The following CDH4 variants were observed in gnomAD, a reference collection of about 807,000 sequenced individuals.
CDH4 encodes cadherin 4.
In CDH4, 33 loss-of-function variants were observed where a neutral mutation model predicts 86.0. The observed-to-expected ratio is 0.38, with a 90% CI of 0.29 to 0.51. CDH4 has a LOEUF of 0.51. CDH4 is among the 20% of genes least tolerant of loss of function. The probability of loss-of-function intolerance (pLI) is 0.86; values close to 1 mark genes in which losing one functional copy is unlikely to be tolerated. For missense variants in CDH4, 1,114 were observed against 1,307.4 expected (o/e 0.85, Z 2.28); for synonymous variants, 555 against 549.4 (o/e 1.01, Z -0.14).
In CDH4 at chr20:61,834,557, G is replaced by A. The variant is rs570023899; in HGVS notation, c.577-10111G>A. On this transcript the variant is annotated intron_variant, in intron 4 of 15. Transcript: ENST00000614565. ...GTGTGACAAGACCTTCCAGAGACAG[G>A]TGGGGACGCGTGCATTAAATATCAA... 2.4e-3 allele frequency among the ~76,000 whole-genome samples: 359 copies of A among 152,348 alleles called. 2 individuals are homozygous for A. The highest frequency in any genetic ancestry group is 0.01 in the Middle Eastern group (3 of 294).
chr20:61,854,719 G>T (rs904810215), intron 6 of CDH4, among the ~76,000 whole-genome samples: 4 of 143,878 alleles, frequency 2.8e-5, no homozygotes, highest in African/African-American at 1.1e-4. Context: ...TGTGAACAGG[G>T]TGAATTGTGC....
chr20:61,761,386 C>G (rs780845573), intron 3 of CDH4, among the ~76,000 whole-genome samples: 1 of 152,184 alleles, frequency 6.6e-6, no homozygotes, highest in Admixed American at 6.5e-5. Flanking sequence ...GAGCAATGTA[C>G]GTTCATAATG....
At chr20:61,774,948 C>T (rs796907495) in intron 4 of CDH4, among the ~76,000 whole-genome samples, 112 of 152,274 alleles carry the variant, frequency 7.4e-4, no homozygotes, top group African/African-American at 2.5e-3. Flanking sequence ...GGGTTGATTC[C>T]ATGTCTTTGC....
chr20:61,297,100 T>C (rs887137968), intron 2 of CDH4, among the ~76,000 whole-genome samples: 3 of 152,178 alleles, frequency 2.0e-5, no homozygotes, highest in African/African-American at 7.2e-5. Flanking sequence ...TTAAAAAGTG[T>C]GGAGGCAAGG....
At position 61,708,861 on chromosome 20, in the gene CDH4, C is replaced by T. The variant is rs997206339; in HGVS notation, c.170-34702C>T. Among the ~76,000 whole-genome samples, 1 of 152,220 alleles carries T rather than the reference C, an allele frequency of 6.6e-6. No individual in the cohort carries two copies. The highest frequency in any genetic ancestry group is 1.5e-5 in the Non-Finnish European group (1 of 68,040). ...ATTGGCAGACGTGCAGAACACCCCG[C>T]GTGCAATCTTTTCCTGGTAATTTAG... On this transcript the variant is annotated intron_variant, in intron 2 of 15. Transcript: ENST00000614565. The surrounding 1 kb of genome is among the most constrained non-coding windows in gnomAD (Gnocchi z 4.5).
intron 7 of CDH4, among the ~76,000 whole-genome samples, chr20:61,885,182 C>T (rs910619121): frequency 6.6e-6 from 1 of 152,196 alleles, no homozygotes; most frequent in Non-Finnish European, 1.5e-5. Flanking sequence ...CGCCACCAAA[C>T]ACACCCTTTA....
intron 4 of CDH4, among the ~76,000 whole-genome samples, chr20:61,802,731 A>C (rs2146033950): frequency 6.6e-6 from 1 of 152,260 alleles, no homozygotes; most frequent in South Asian, 2.1e-4. Flanking sequence ...GGGCAGGGGG[A>C]AACAGGTGCC....
intron 2 of CDH4, among the ~76,000 whole-genome samples, chr20:61,519,753 G>T (rs961816225): frequency 1.3e-5 from 2 of 152,240 alleles, no homozygotes; most frequent in Admixed American, 6.5e-5. Context: ...ACGCCAGTGT[G>T]TCTTCACAGG....
Position 61,937,205 on chromosome 20 carries a change from G to A in CDH4, c.*262G>A, listed in dbSNP as rs1282889367. On this transcript the variant is annotated 3_prime_UTR_variant, in exon 16 of 16. Transcript: ENST00000614565. ...GTCTTCACTTGAATTTCCTAGAACA[G>A]AAGCACTGTTTTTAAAAAAAAAAAA... 2 of 105,302 alleles carry A rather than the reference G, an allele frequency of 1.9e-5. No individual in the cohort carries two copies. The highest frequency in any genetic ancestry group is 3.3e-4 in the Admixed American group (2 of 6,116). The allele number at this position is 105,302 out of a possible 1,614,324, so 6.5% of individuals were successfully genotyped here.
Position 61,769,926 on chromosome 20 carries a change from T to C in CDH4, c.397-3077T>C, listed in dbSNP as rs1399888465. Among the ~76,000 whole-genome samples, 4 of 152,190 alleles carry C rather than the reference T, an allele frequency of 2.6e-5. No individual in the cohort carries two copies. The East Asian group carries it at 5.8e-4, about 22-fold the overall frequency. ...CCAGCTCCCAGGGAGGTGCTATCTG[T>C]CTGGGGCTAGGTCTTGGAGGACAGG... is the stretch of plus-strand genomic sequence containing the variant. On this transcript the variant is annotated intron_variant, in intron 3 of 15. Coordinates refer to ENST00000614565, the MANE Select transcript of CDH4 (RefSeq NM_001794.5).
intron 2 of CDH4, among the ~76,000 whole-genome samples, chr20:61,435,474 G>A (rs925554162): frequency 2.6e-5 from 4 of 152,190 alleles, no homozygotes; most frequent in Non-Finnish European, 4.4e-5. Flanking sequence ...GCTGCAGGGT[G>A]CTGCTTCCAG....
chr20:61,469,689 T>G (rs1339277741), intron 2 of CDH4, among the ~76,000 whole-genome samples: 2 of 152,224 alleles, frequency 1.3e-5, no homozygotes, highest in Non-Finnish European at 2.9e-5. Flanking sequence ...TTTCATGGTT[T>G]GAGGTCTTAG....
intron 4 of CDH4, among the ~76,000 whole-genome samples, chr20:61,798,018 C>T (rs1282603635): frequency 6.6e-6 from 1 of 152,200 alleles, no homozygotes; most frequent in Non-Finnish European, 1.5e-5. Flanking sequence ...AAAAGCACCA[C>T]TCCGGGGTCA....
intron 5 of CDH4, among the ~76,000 whole-genome samples, chr20:61,847,945 A>G (rs1436030356): frequency 6.6e-6 from 1 of 152,174 alleles, no homozygotes; most frequent in Admixed American, 6.5e-5. Flanking sequence ...CCCACCTCCA[A>G]CACTGGAGGG....
At chr20:61,443,860 C>A (rs1227686639) in intron 2 of CDH4, among the ~76,000 whole-genome samples, 2 of 149,454 alleles carry the variant, frequency 1.3e-5, no homozygotes, top group East Asian at 3.9e-4. Context: ...GTGTATCTCT[C>A]TATGTGTCTA....
At position 61,587,108 on chromosome 20, in the gene CDH4, A is replaced by T. The variant is rs1022455362; in HGVS notation, c.170-156455A>T. Among the ~76,000 whole-genome samples, 3 of 152,206 alleles carry T rather than the reference A, an allele frequency of 2.0e-5. No individual in the cohort carries two copies. In the East Asian group the frequency reaches 5.8e-4, roughly 29 times the overall value. ...ATGGTGGGCACTGCTTCTCAGCATCAGTACCATTGATCCAAGTGCTGAAGA... is the reference window on the plus strand; with the variant it reads ...ATGGTGGGCACTGCTTCTCAGCATCTGTACCATTGATCCAAGTGCTGAAGA... On this transcript the variant is annotated intron_variant, in intron 2 of 15. Coordinates refer to ENST00000614565, the MANE Select transcript of CDH4 (RefSeq NM_001794.5).
intron 2 of CDH4, among the ~76,000 whole-genome samples, chr20:61,615,874 T>C (rs1600809419): frequency 6.6e-6 from 1 of 152,212 alleles, no homozygotes; most frequent in East Asian, 1.9e-4. Flanking sequence ...GCCATTATCA[T>C]CATTTTGGTC....
rs79034727 is a variant in CDH4 at position 61,291,585 on chromosome 20, C to T, written c.169+36648C>T. Among the ~76,000 whole-genome samples, 1,151 of 152,338 alleles carry T rather than the reference C, an allele frequency of 7.6e-3. 15 individuals carry two copies. The highest frequency in any genetic ancestry group is 0.025 in the African/African-American group (1,057 of 41,584). On this transcript the variant is annotated intron_variant, in intron 2 of 15. Coordinates refer to ENST00000614565, the MANE Select transcript of CDH4 (RefSeq NM_001794.5). The stretch of plus-strand genomic sequence containing the variant: ...GCAAGGTGCTGCAAAGACTGCCGGT[C>T]GGCAGGAGCTCCCTGAGAGCCTTTG...
At chr20:61,340,238 G>C (rs954922591) in intron 2 of CDH4, among the ~76,000 whole-genome samples, 1 of 152,176 alleles carries the variant, frequency 6.6e-6, no homozygotes, top group Non-Finnish European at 1.5e-5. Context: ...CGAGGAATGA[G>C]ACTCAACCTG....
Sources: allele counts gnomAD v4.1 joint callset (sites outside exome capture counted in the v4.1 genomes callset), GRCh38; gene constraint gnomAD v4.1.1; non-coding constraint Gnocchi (gnomAD v3.1); transcripts MANE v1.5; gene names NCBI Gene and HGNC (gene_info 2026-07-23, HGNC 2026-07-21).